The following FHIT variants were observed in gnomAD, a reference collection of about 807,000 sequenced individuals.
FHIT encodes the protein fragile histidine triad diadenosine triphosphatase.
In FHIT, 19 loss-of-function variants were observed where a neutral mutation model predicts 17.9. That is an observed-to-expected ratio of 1.06 (90% CI 0.74 to 1.56). FHIT has a LOEUF of 1.56. Ranked by LOEUF, FHIT falls within the 40% of genes most tolerant of loss-of-function variation. The pLI, the probability that FHIT is intolerant of heterozygous loss-of-function variation, is 0.00. For synonymous variants in FHIT, 81 were observed against 69.7 expected, an observed-to-expected ratio of 1.16 and a Z score of -0.81; for missense variants, 248 against 189.2, an observed-to-expected ratio of 1.31 and a Z score of -1.82.
chr3:59,919,281 C>G (rs1189992594), intron 8 of FHIT, among the ~76,000 whole-genome samples: 1 of 152,128 alleles, frequency 6.6e-6, no homozygotes, highest in Non-Finnish European at 1.5e-5. Context: ...AAGCTCACCC[C>G]CTTGGAAGGC....
chr3:60,897,508 C>T (rs1312986262), intron 3 of FHIT, among the ~76,000 whole-genome samples: 1 of 152,186 alleles, frequency 6.6e-6, no homozygotes, highest in African/African-American at 2.4e-5. Context: ...GATTTTACTA[C>T]ATCTGAAGTT....
intron 5 of FHIT, among the ~76,000 whole-genome samples, chr3:60,406,009 G>A (rs1701842833): frequency 6.6e-6 from 1 of 152,080 alleles, no homozygotes; most frequent in African/African-American, 2.4e-5. Flanking sequence ...AGTATAGCCT[G>A]GCACATAACT....
intron 3 of FHIT, among the ~76,000 whole-genome samples, chr3:61,019,493 T>C (rs886208364): frequency 1.3e-5 from 2 of 152,194 alleles, no homozygotes; most frequent in South Asian, 2.1e-4. Flanking sequence ...GTCTCTTCAT[T>C]ACCGTGAATA....
chr3:60,729,821 T>A (rs1306955094), intron 4 of FHIT, among the ~76,000 whole-genome samples: 1 of 152,064 alleles, frequency 6.6e-6, no homozygotes, highest in African/African-American at 2.4e-5. Context: ...AGGACCTATA[T>A]AATGGAGGCA....
intron 5 of FHIT, among the ~76,000 whole-genome samples, chr3:60,527,066 A>T (rs1353321929): frequency 6.6e-6 from 1 of 152,162 alleles, no homozygotes; most frequent in African/African-American, 2.4e-5. Flanking sequence ...ATCTGTCCCC[A>T]CATGTCAGCA....
chr3:60,625,676 C>T (rs2039265606), intron 4 of FHIT, among the ~76,000 whole-genome samples: 1 of 151,574 alleles, frequency 6.6e-6, no homozygotes. Flanking sequence ...GTATTTTATC[C>T]CATTCTGTGG....
intron 3 of FHIT, among the ~76,000 whole-genome samples, chr3:60,855,721 C>T (rs1485816750): frequency 3.3e-5 from 5 of 152,148 alleles, no homozygotes; most frequent in Admixed American, 6.6e-5. Flanking sequence ...GACTACAAAA[C>T]TACATTCATT....
intron 8 of FHIT, among the ~76,000 whole-genome samples, chr3:59,762,192 C>T (rs184707651): frequency 5.9e-5 from 9 of 152,148 alleles, no homozygotes; most frequent in South Asian, 2.1e-4. Context: ...CAGAGTGGGA[C>T]GGCGTGCAAT....
chr3:60,627,985 T>G (rs923493962), intron 4 of FHIT, among the ~76,000 whole-genome samples: 2 of 152,194 alleles, frequency 1.3e-5, no homozygotes, highest in Non-Finnish European at 2.9e-5. Flanking sequence ...GTTCCAACCT[T>G]TATTATTTTC....
At chr3:60,018,815 T>C (rs1700443810) in intron 5 of FHIT, among the ~76,000 whole-genome samples, 1 of 141,042 alleles carries the variant, frequency 7.1e-6, no homozygotes, top group Non-Finnish European at 1.6e-5. Context: ...CCATCTCTAC[T>C]AAAAATACAA....
At chr3:60,371,822 T>C (rs1700342619) in intron 5 of FHIT, among the ~76,000 whole-genome samples, 1 of 139,074 alleles carries the variant, frequency 7.2e-6, no homozygotes, top group Non-Finnish European at 1.5e-5. Flanking sequence ...GTTAACCTCA[T>C]TTTAGCAGAT....
At chr3:60,535,557 T>C (rs987953466) in intron 5 of FHIT, among the ~76,000 whole-genome samples, 1 of 151,734 alleles carries the variant, frequency 6.6e-6, no homozygotes, top group East Asian at 1.9e-4. Context: ...TTAAAAGTGC[T>C]GTTTTCTAGG....
intron 5 of FHIT, among the ~76,000 whole-genome samples, chr3:60,045,104 G>A (rs1701597749): frequency 2.0e-5 from 3 of 152,138 alleles, no homozygotes; most frequent in Non-Finnish European, 1.5e-5. Flanking sequence ...TACAGTTTCA[G>A]TTTCGTAAGA....
chr3:60,827,087 G>A (rs1233009170), intron 3 of FHIT, among the ~76,000 whole-genome samples: 1 of 152,144 alleles, frequency 6.6e-6, no homozygotes, highest in East Asian at 1.9e-4. Context: ...TCCTCTTTGA[G>A]CCAAGGAGGT....
chr3:60,104,450 A>G (rs961600039), intron 5 of FHIT, among the ~76,000 whole-genome samples: 3 of 151,304 alleles, frequency 2.0e-5, no homozygotes, highest in South Asian at 2.1e-4. Context: ...TGAACACACA[A>G]TGTAAAAGTC....
At chr3:60,279,714 A>G (rs1249427000) in intron 5 of FHIT, among the ~76,000 whole-genome samples, 2 of 152,180 alleles carry the variant, frequency 1.3e-5, no homozygotes, top group African/African-American at 4.8e-5. Context: ...AAGTTATTAT[A>G]TACTACAACT....
At chr3:60,899,808 T>G (rs949025853) in intron 3 of FHIT, among the ~76,000 whole-genome samples, 1 of 152,138 alleles carries the variant, frequency 6.6e-6, no homozygotes, top group Admixed American at 6.5e-5. Context: ...TTTTAAAAAT[T>G]TCAGCTGGGC....
In FHIT at chr3:59,758,989, C is replaced by T. The variant is rs188568681; in HGVS notation, c.349-6668G>A. On this transcript the variant is annotated intron_variant, in intron 8 of 9. Coordinates refer to ENST00000492590, the MANE Select transcript of FHIT (RefSeq NM_002012.4). ...AAATAATTTCATGTTATAAGAACTC[C>T]GTCAAAAAATGGTATGGGGGATGGT... Among the ~76,000 whole-genome samples the T allele has an allele frequency of 1.7e-3, 261 of 151,808 alleles. 5 individuals carry two copies. Among genetic ancestry groups the T allele is most frequent in the Admixed American group, 0.016 (251 of 15,246 alleles).
intron 2 of FHIT, among the ~76,000 whole-genome samples, chr3:61,054,480 G>C (rs1009919106): frequency 6.6e-6 from 1 of 152,142 alleles, no homozygotes; most frequent in African/African-American, 2.4e-5. Flanking sequence ...AGTAGCATCA[G>C]CTAAGAATTA....
Sources: gnomAD v4.1 joint callset for allele counts (sites outside exome capture counted in the v4.1 genomes callset) on GRCh38, gnomAD v4.1.1 for gene constraint, MANE v1.5 for transcripts, NCBI Gene and HGNC (gene_info 2026-07-23, HGNC 2026-07-21) for gene names.